KMT2A: variants seen among roughly 807,000 people sequenced by gnomAD.
The protein encoded by KMT2A is lysine methyltransferase 2A.
KMT2A carries 16 observed loss-of-function variants against 345.3 expected under a neutral mutation model. The observed-to-expected ratio is 0.05, with a 90% CI of 0.03 to 0.07. KMT2A has a LOEUF of 0.07. KMT2A is among the 10% of genes least tolerant of loss of function. The probability of loss-of-function intolerance (pLI) is 1.00; values close to 1 mark genes in which losing one functional copy is unlikely to be tolerated. For missense variants in KMT2A, 3,272 were observed against 4,841.6 expected, an observed-to-expected ratio of 0.68 and a Z score of 9.62; for synonymous variants, 1,599 against 1,778.6, an observed-to-expected ratio of 0.90 and a Z score of 2.54.
chr11:118,458,833 ACAGTTTG>A (rs1413601748), intron 1 of KMT2A, among the ~76,000 whole-genome samples: 1 of 152,218 alleles, frequency 6.6e-6, no homozygotes, highest in Non-Finnish European at 1.5e-5. Flanking sequence ...GCCAAGATGC[ACAGTTTG>A]CCTCCTGGAT....
intron 1 of KMT2A, chr11:118,450,033 A>T (rs965781049): frequency 1.3e-5 from 2 of 152,210 alleles, no homozygotes; most frequent in African/African-American, 2.4e-5. Context: ...TATTCAAATC[A>T]ATCTGGTCAT....
chr11:118,436,682 C>G lies in KMT2A; in HGVS notation c.170C>G (p.Pro57Arg). 7.9e-7 allele frequency: 1 copy of G among 1,272,440 alleles called. No homozygotes were observed. The highest frequency in any genetic ancestry group is 9.9e-7 in the Non-Finnish European group (1 of 1,007,240). 78.8% of individuals were successfully genotyped at this position (1,272,440 alleles called of 1,614,324 possible). The change falls in exon 1 of 36, where the codon CCC becomes CGC. Residue 57 changes from proline (P) to arginine (R), a missense_variant. Coordinates refer to ENST00000534358, the MANE Select transcript of KMT2A (RefSeq NM_001197104.2). This position sits in a 1 kb window ranked among gnomAD's most constrained non-coding sequence, Gnocchi z 6.9. Reference protein sequence around the residue: ...GGGGPGAPPSPPAVAAAAAAA... With the variant: ...GGGGPGAPPSRPAVAAAAAAA... ...GGCGGCCCCGGGGCGCCCCCCTCCC[C>G]CCCGGCTGTGGCGGCCGCGGCGGCG...
chr11:118,441,955 C>T (rs1268376957), intron 1 of KMT2A, among the ~76,000 whole-genome samples: 2 of 152,164 alleles, frequency 1.3e-5, no homozygotes, highest in Non-Finnish European at 2.9e-5. Flanking sequence ...CAATTGCCTC[C>T]CTTACCCTGT....
chr11:118,454,192 T>C (rs1330541430), intron 1 of KMT2A, among the ~76,000 whole-genome samples: 1 of 152,184 alleles, frequency 6.6e-6, no homozygotes, highest in Non-Finnish European at 1.5e-5. Context: ...CAAATCCTAT[T>C]CCTTCACTTT....
At chr11:118,512,187 T>C (rs1411537133) in intron 31 of KMT2A, 162 bp downstream of exon 31, 16 of 620,806 alleles carry the variant, frequency 2.6e-5, no homozygotes, top group Non-Finnish European at 4.3e-5. Context: ...ATCTAAAGCA[T>C]ACAATTCAGT....
chr11:118,481,851 CAGT>C lies in KMT2A; in HGVS notation c.3775_3777del (p.Ser1259del). ...GAGAGGATCCTGCCCCAAAGAAAAG[CAGT>C]AGTGAGCCTCCTCCACGAAAGCCCG... On this transcript the variant is annotated inframe_deletion, in exon 7 of 36. Coordinates refer to ENST00000534358, the MANE Select transcript of KMT2A (RefSeq NM_001197104.2). The C allele has an allele frequency of 6.2e-7, 1 of 1,614,168 alleles. No homozygotes were observed. The highest frequency in any genetic ancestry group is 2.2e-5 in the East Asian group (1 of 44,890).
In KMT2A at chr11:118,442,523, C is replaced by G. The variant is rs553222174; in HGVS notation, c.432+5579C>G. Among the ~76,000 whole-genome samples, 3 of 152,234 alleles carry G rather than the reference C, an allele frequency of 2.0e-5. No individual in the cohort carries two copies. In the South Asian group the frequency reaches 6.2e-4, roughly 32 times the overall value. On this transcript the variant is annotated intron_variant, in intron 1 of 35. Transcript: ENST00000534358. ...ATATTGTCGTGGAGTAAATCTCAGA[C>G]TCGTGATTTTTGTGGACTCTGAGGT...
chr11:118,470,957 G>T (rs1949932354), intron 2 of KMT2A, among the ~76,000 whole-genome samples: 1 of 152,184 alleles, frequency 6.6e-6, no homozygotes. Context: ...ATCAGTTAAG[G>T]TTAAATCTTT....
chr11:118,503,415 T>C lies in KMT2A; in HGVS notation c.7523T>C (p.Val2508Ala). 6.2e-7 allele frequency: 1 copy of C among 1,613,990 alleles called. No individual in the cohort carries two copies. Among genetic ancestry groups the C allele is most frequent in the Non-Finnish European group, 8.5e-7 (1 of 1,179,952 alleles). The change falls in exon 27 of 36, where the codon GTA (valine) becomes GCA (alanine). Residue 2508 changes from valine to alanine, a missense_variant. This residue lies in a region of KMT2A where 445 missense variants were observed against 500.9 expected (regional missense o/e 0.89). Transcript: ENST00000534358. This position sits in a 1 kb window ranked among gnomAD's most constrained non-coding sequence, Gnocchi z 5.3. ...PGVPKAPPMQVEGSAKELQAP... is the reference protein window; with the variant it reads ...PGVPKAPPMQAEGSAKELQAP... Reference sequence around the variant, plus strand: ...GTCCCCAAAGCTCCACCCATGCAAGTAGAAGGATCTGCCAAGGAATTACAG... The same window carrying C: ...GTCCCCAAAGCTCCACCCATGCAAGCAGAAGGATCTGCCAAGGAATTACAG...
Position 118,484,769 on chromosome 11 carries a change from G to T in KMT2A, c.4219-93G>T, listed in dbSNP as rs1950200867. ...TTGAAATGAAATACTCTGACATTGT[G>T]ATGTCACACTAATTTTATGCTTTTC... On this transcript the variant is annotated intron_variant, in intron 9 of 35. Transcript: ENST00000534358. The surrounding 1 kb of genome is among the most constrained non-coding windows in gnomAD (Gnocchi z 4.1). 1 of 818,254 alleles carries T rather than the reference G, an allele frequency of 1.2e-6. No homozygotes were observed. Among genetic ancestry groups the T allele is most frequent in the Admixed American group, 2.1e-5 (1 of 48,380 alleles). 50.7% of individuals were successfully genotyped at this position (818,254 alleles called of 1,614,324 possible). A position where few individuals can be genotyped will look rare whatever the true frequency, so the allele number is the denominator to read the frequency against.
chr11:118,474,091 C>G lies in KMT2A; in HGVS notation c.2932C>G (p.Pro978Ala). Residue 978 changes from proline (P) to alanine (A), a missense_variant, in exon 3 of 36, where the codon CCA (proline) becomes GCA (alanine). By Grantham distance (27) the Pro-to-Ala change is conservative (BLOSUM62 -1). This residue lies in a region of KMT2A where 39 missense variants were observed against 88.9 expected (regional missense o/e 0.44). Transcript: ENST00000534358. ...NLEKTNLDLG[P>A]TAPSLEKEKT... ...GGAAAAAACCAACTTGGACCTCGGCCCAACTGCCCCATCCCTGGAGAAGGA... is the reference window on the plus strand; with the variant it reads ...GGAAAAAACCAACTTGGACCTCGGCGCAACTGCCCCATCCCTGGAGAAGGA... 1.2e-6 allele frequency: 2 copies of G among 1,614,012 alleles called. No individual in the cohort carries two copies. The highest frequency in any genetic ancestry group is 1.7e-6 in the Non-Finnish European group (2 of 1,179,976).
chr11:118,502,776 G>A lies in KMT2A; in HGVS notation c.6884G>A (p.Ser2295Asn), dbSNP rs782605777. Residue 2295 changes from serine (S) to asparagine (N), a missense_variant, in exon 27 of 36, where the codon AGT (serine) becomes AAT (asparagine). Ser to Asn is a conservative substitution (Grantham distance 46). Transcript: ENST00000534358. This position sits in a 1 kb window ranked among gnomAD's most constrained non-coding sequence, Gnocchi z 4.9. ...GSSSSEMKQS[S>N]ASDLVSKSSS... The stretch of plus-strand genomic sequence containing the variant: ...TCATCTTCAGAAATGAAGCAGTCCA[G>A]TGCTTCAGACTTGGTGTCCAAGAGC... The A allele has an allele frequency of 1.2e-6, 2 of 1,614,048 alleles. No homozygotes were observed. Among genetic ancestry groups the A allele is most frequent in the Non-Finnish European group, 1.7e-6 (2 of 1,180,034 alleles).
rs144694397 is a variant in KMT2A, at chr11:118,471,969, T to C, written c.810T>C (p.Ile270=). The C allele has an allele frequency of 9.2e-5, 149 of 1,613,994 alleles. No individual in the cohort carries two copies. The highest frequency in any genetic ancestry group is 1.6e-4 in the Middle Eastern group (1 of 6,062). The change falls in exon 3 of 36, where the codon ATT becomes ATC. Residue 270 remains isoleucine (I), a synonymous_variant. Transcript: ENST00000534358. ...PSATFQQATK[I]KKLRAGKLSP... ...CTACGTTTCAGCAAGCCACAAAGAT[T>C]AAAAAATTAAGAGCAGGTAAACTCT...
chr11:118,477,816 G>C (rs1226366965), intron 4 of KMT2A, 151 bp from the exon 5 acceptor site: 8 of 603,340 alleles, frequency 1.3e-5, no homozygotes, highest in Non-Finnish European at 1.9e-5. Flanking sequence ...CAAGTTATTG[G>C]CATTTTTAAA....
At position 118,509,217 on chromosome 11, in the gene KMT2A, AAGGTT is replaced by A; in HGVS notation, c.10900+20_10900+24del. The A allele has an allele frequency of 3.7e-6, 6 of 1,601,538 alleles. No individual in the cohort carries two copies. The highest frequency in any genetic ancestry group is 5.1e-6 in the Non-Finnish European group (6 of 1,168,956). On this transcript the variant is annotated intron_variant, in intron 29 of 35. Transcript: ENST00000534358. ...AAAGTGCAGGTATGTGGGTGGGTAAAAGGTTAGAATCAGAGAATATCAATGCTAAA... is the reference window on the plus strand; with the variant it reads ...AAAGTGCAGGTATGTGGGTGGGTAAAAGAATCAGAGAATATCAATGCTAAA...
At chr11:118,474,521 A>G (rs1949998893) in intron 3 of KMT2A, among the ~76,000 whole-genome samples, 1 of 152,156 alleles carries the variant, frequency 6.6e-6, no homozygotes, top group Non-Finnish European at 1.5e-5. Flanking sequence ...AAGTAGAGGG[A>G]ACAGTGTGGG....
At chr11:118,449,979 C>G (rs1349549299) in intron 1 of KMT2A, 1 of 151,750 alleles carries the variant, frequency 6.6e-6, no homozygotes, top group Non-Finnish European at 1.5e-5. Flanking sequence ...ATAAAAAGAA[C>G]TATATCTGAA....
In KMT2A at chr11:118,494,448, A is replaced by G. The variant is rs782147840; in HGVS notation, c.5289+50A>G. 5.9e-6 allele frequency: 6 copies of G among 1,012,412 alleles called. No individual in the cohort carries two copies. In the South Asian group the frequency reaches 8.0e-5, roughly 13 times the overall value. The allele number at this position is 1,012,412 out of a possible 1,614,324, so 62.7% of individuals were successfully genotyped here. A position where few individuals can be genotyped will look rare whatever the true frequency, so the allele number is the denominator to read the frequency against. ...TTTTAATGCTTACCTATAAGTAATT[A>G]CCCTGTGAATACAATGAACTTGTTC... is the stretch of plus-strand genomic sequence containing the variant. On this transcript the variant is annotated intron_variant, in intron 17 of 35. Coordinates refer to ENST00000534358, the MANE Select transcript of KMT2A (RefSeq NM_001197104.2). This position sits in a 1 kb window ranked among gnomAD's most constrained non-coding sequence, Gnocchi z 5.8.
At position 118,498,229 on chromosome 11, in the gene KMT2A, T is replaced by G; in HGVS notation, c.5803-141T>G. Reference sequence around the variant, plus strand: ...ATACATAATTCAACAGATAAAATGATAAATTTTATCTGTTTTCAATTTATC... The same window carrying G: ...ATACATAATTCAACAGATAAAATGAGAAATTTTATCTGTTTTCAATTTATC... On this transcript the variant is annotated intron_variant, in intron 21 of 35. Coordinates refer to ENST00000534358, the MANE Select transcript of KMT2A (RefSeq NM_001197104.2). This position sits in a 1 kb window ranked among gnomAD's most constrained non-coding sequence, Gnocchi z 4.4. 2 of 1,169,628 alleles carry G rather than the reference T, an allele frequency of 1.7e-6. No homozygotes were observed. The highest frequency in any genetic ancestry group is 2.4e-6 in the Non-Finnish European group (2 of 822,338). The allele number at this position is 1,169,628 out of a possible 1,614,324, so 72.5% of individuals were successfully genotyped here. A position where few individuals can be genotyped will look rare whatever the true frequency, so the allele number is the denominator to read the frequency against.
Sources: allele counts gnomAD v4.1 joint callset (sites outside exome capture counted in the v4.1 genomes callset), GRCh38; gene constraint gnomAD v4.1.1; regional missense constraint gnomAD v4.1.1; non-coding constraint Gnocchi (gnomAD v3.1); transcripts MANE v1.5; gene names NCBI Gene and HGNC (gene_info 2026-07-23, HGNC 2026-07-21).